C3orf49: variants seen among roughly 807,000 people sequenced by gnomAD.
C3orf49 encodes putative uncharacterized protein C3orf49.
Under a neutral mutation model 13.3 loss-of-function variants are expected in C3orf49, and 27 were observed. The ratio of observed to expected loss-of-function variants is 2.02; its 90% confidence interval spans 1.49 to 2.79. C3orf49 has a LOEUF of 2.79. Among genes scored for constraint, C3orf49 ranks in the 30% most tolerant of loss-of-function variants. The pLI, the probability that C3orf49 is intolerant of heterozygous loss-of-function variation, is 0.00. For missense variants in C3orf49, 242 were observed against 134.2 expected, an observed-to-expected ratio of 1.80 and a Z score of -3.97; for synonymous variants, 87 against 47.6, an observed-to-expected ratio of 1.83 and a Z score of -3.40.
upstream of C3orf49, among the ~76,000 whole-genome samples, chr3:63,815,279 G>A (rs1172335878): frequency 6.6e-6 from 1 of 152,058 alleles, no homozygotes; most frequent in African/African-American, 2.4e-5. Flanking sequence ...TATCCAAACT[G>A]TATCTCCCCC....
chr3:63,812,366 C>G, the C3orf49 span, among the ~76,000 whole-genome samples: 1 of 152,170 alleles, frequency 6.6e-6, no homozygotes, highest in African/African-American at 2.4e-5. Flanking sequence ...CCAAAGCCAT[C>G]CTGGGTCACC....
chr3:63,843,558 A>C (rs1005552324), intron 5 of C3orf49, among the ~76,000 whole-genome samples: 2 of 152,214 alleles, frequency 1.3e-5, no homozygotes, highest in Non-Finnish European at 2.9e-5. Flanking sequence ...TATTCACAAT[A>C]GCCAAGGTAT....
chr3:63,780,319 C>G, the C3orf49 span, among the ~76,000 whole-genome samples: 1 of 152,132 alleles, frequency 6.6e-6, no homozygotes, highest in Non-Finnish European at 1.5e-5. Flanking sequence ...AGGACATGAA[C>G]TCATCATTTT....
At chr3:63,802,179 C>T in the C3orf49 span, among the ~76,000 whole-genome samples, 6 of 152,236 alleles carry the variant, frequency 3.9e-5, no homozygotes, top group South Asian at 2.1e-4. Context: ...GTCTCATTTC[C>T]GTTGATTTAT....
the C3orf49 span, among the ~76,000 whole-genome samples, chr3:63,788,646 A>T: frequency 6.6e-6 from 1 of 152,076 alleles, no homozygotes; most frequent in East Asian, 1.9e-4. Flanking sequence ...AAAATAAGAC[A>T]CAGTCGTTCT....
the C3orf49 span, among the ~76,000 whole-genome samples, chr3:63,799,815 C>T: frequency 6.6e-6 from 1 of 152,090 alleles, no homozygotes; most frequent in Non-Finnish European, 1.5e-5. Flanking sequence ...AAACCCAAGC[C>T]TCTTGGTACC....
chr3:63,846,404 T>C (rs1006699639), intron 6 of C3orf49, among the ~76,000 whole-genome samples: 1 of 152,116 alleles, frequency 6.6e-6, no homozygotes, highest in Non-Finnish European at 1.5e-5. Context: ...TAACTTATTA[T>C]TTAAAAATTT....
upstream of C3orf49, among the ~76,000 whole-genome samples, chr3:63,815,517 G>T (rs1701313956): frequency 6.6e-6 from 1 of 152,082 alleles, no homozygotes; most frequent in Non-Finnish European, 1.5e-5. Context: ...CCACCACATT[G>T]CTCTTCTTCC....
chr3:63,779,870 G>A, the C3orf49 span: 1 of 152,116 alleles, frequency 6.6e-6, no homozygotes, highest in Non-Finnish European at 1.5e-5. Flanking sequence ...CTAGTTGAAA[G>A]GTTAAATCCC....
At chr3:63,801,615 G>C in the C3orf49 span, among the ~76,000 whole-genome samples, 1 of 152,122 alleles carries the variant, frequency 6.6e-6, no homozygotes, top group African/African-American at 2.4e-5. Flanking sequence ...CTAGTGTTGT[G>C]AGCATTAAAT....
intron 3 of C3orf49, among the ~76,000 whole-genome samples, chr3:63,830,710 A>G (rs2107106989): frequency 6.6e-6 from 1 of 152,314 alleles, no homozygotes; most frequent in East Asian, 1.9e-4. Flanking sequence ...AAACCTGCAG[A>G]AACGAGACCA....
At chr3:63,802,700 A>G in the C3orf49 span, among the ~76,000 whole-genome samples, 1 of 152,212 alleles carries the variant, frequency 6.6e-6, no homozygotes, top group Non-Finnish European at 1.5e-5. Context: ...AGCACTTTCC[A>G]TACATTATCT....
chr3:63,840,475 C>A (rs950731519), intron 5 of C3orf49, among the ~76,000 whole-genome samples: 4 of 152,068 alleles, frequency 2.6e-5, no homozygotes. Flanking sequence ...CTGTTAGTCC[C>A]AGTAACTTGG....
At position 63,827,650 on chromosome 3, in the gene C3orf49, G is replaced by T. The variant is rs1025210813; in HGVS notation, c.495G>T (p.Gln165His). ...VVEAETEEIT[Q>H]GNTLLRARRT... ...AGGCAGAGACAGAGGAGATAACCCA[G>T]GGAAACACACTCCTTCGGGCCAGGA... The change falls in exon 3 of 7, where the codon CAG becomes CAT. Residue 165 changes from glutamine to histidine, a missense_variant. Physicochemically the swap from Gln to His is conservative, Grantham distance 24. Coordinates refer to ENST00000295896, the MANE Select transcript of C3orf49 (RefSeq NM_001355236.2). The T allele has an allele frequency of 2.8e-6, 2 of 703,150 alleles. No homozygotes were observed. Among genetic ancestry groups the T allele is most frequent in the Non-Finnish European group, 5.2e-6 (2 of 385,064 alleles). The allele number at this position is 703,150 out of a possible 1,614,324, so 43.6% of individuals were successfully genotyped here. A position where few individuals can be genotyped will look rare whatever the true frequency, so the allele number is the denominator to read the frequency against.
At chr3:63,835,669 T>C (rs1237204897) in intron 5 of C3orf49, among the ~76,000 whole-genome samples, 1 of 152,064 alleles carries the variant, frequency 6.6e-6, no homozygotes, top group Non-Finnish European at 1.5e-5. Flanking sequence ...ATGATACATA[T>C]TGTGAAGTTT....
At chr3:63,829,531 A>G (rs1192586675) in intron 3 of C3orf49, among the ~76,000 whole-genome samples, 2 of 152,254 alleles carry the variant, frequency 1.3e-5, no homozygotes, top group African/African-American at 4.8e-5. Context: ...TAGGACACAC[A>G]TAACAATAAT....
the C3orf49 span, among the ~76,000 whole-genome samples, chr3:63,783,840 T>C: frequency 6.6e-6 from 1 of 151,746 alleles, no homozygotes; most frequent in African/African-American, 2.4e-5. Flanking sequence ...AAGCTACCTG[T>C]GGTCTAGCTG....
chr3:63,788,526 A>G, the C3orf49 span, among the ~76,000 whole-genome samples: 2 of 152,164 alleles, frequency 1.3e-5, no homozygotes, highest in Non-Finnish European at 2.9e-5. Flanking sequence ...GAAAGAAAGG[A>G]CAGGAAGGGG....
At chr3:63,812,730 C>G in the C3orf49 span, among the ~76,000 whole-genome samples, 1 of 152,032 alleles carries the variant, frequency 6.6e-6, no homozygotes, top group African/African-American at 2.4e-5. Flanking sequence ...AAAATTTAAA[C>G]CGTTGTTATT....
Sources: gnomAD v4.1 joint callset for allele counts (sites outside exome capture counted in the v4.1 genomes callset) on GRCh38, gnomAD v4.1.1 for gene constraint, MANE v1.5 for transcripts, NCBI Gene and HGNC (gene_info 2026-07-23, HGNC 2026-07-21) for gene names.